The following PSG8 variants were observed in gnomAD, a reference collection of about 807,000 sequenced individuals.
PSG8 encodes the protein pregnancy specific beta-1-glycoprotein 8, also known as pregnancy-specific beta-1-glycoprotein 8.
PSG8 carries 57 observed loss-of-function variants against 42.5 expected under a neutral mutation model. The ratio of observed to expected loss-of-function variants is 1.34; its 90% CI spans 1.08 to 1.67. PSG8 has a LOEUF of 1.67. PSG8 is among the 40% of genes most tolerant of loss of function. PSG8 has a pLI of 0.00. For synonymous variants in PSG8, 280 were observed against 196.8 expected, an observed-to-expected ratio of 1.42 and a Z score of -3.54; for missense variants, 783 against 518.6, an observed-to-expected ratio of 1.51 and a Z score of -4.95.
At chr19:42,753,594 C>A (rs1484071657), downstream of PSG8, among the ~76,000 whole-genome samples, 1 of 152,152 alleles carries the variant, frequency 6.6e-6, no homozygotes, top group Non-Finnish European at 1.5e-5. Flanking sequence ...TAGCAATGGA[C>A]CGTGTAGGCT....
chr19:42,764,993 G>A (rs1175866264), intron 1 of PSG8, among the ~76,000 whole-genome samples: 1 of 152,006 alleles, frequency 6.6e-6, no homozygotes, highest in African/African-American at 2.4e-5. Flanking sequence ...ATTTCAAAAT[G>A]TGGTGGCCCC....
At chr19:42,765,290 T>C (rs1468446222) in intron 1 of PSG8, among the ~76,000 whole-genome samples, 1 of 151,908 alleles carries the variant, frequency 6.6e-6, no homozygotes, top group Non-Finnish European at 1.5e-5. Flanking sequence ...GTAGCTAGGA[T>C]TAGAGGAGCA....
intron 1 of PSG8, among the ~76,000 whole-genome samples, chr19:42,764,637 C>G (rs1882628766): frequency 1.3e-5 from 2 of 152,124 alleles, no homozygotes. Context: ...TCTTTCCTGA[C>G]ACCTCCTTCA....
At chr19:42,752,938 G>A (rs1969818417), downstream of PSG8, 2 of 327,662 alleles carry the variant, frequency 6.1e-6, no homozygotes, top group East Asian at 1.1e-4. Context: ...CCCCTGAGAT[G>A]TTATGTAAAA....
At chr19:42,762,341 C>A (rs1490305987) in intron 2 of PSG8, among the ~76,000 whole-genome samples, 1 of 151,952 alleles carries the variant, frequency 6.6e-6, no homozygotes. Flanking sequence ...CCAAAGAGCC[C>A]TGAGAACCCT....
intron 3 of PSG8, among the ~76,000 whole-genome samples, chr19:42,756,672 A>G (rs1302182121): frequency 6.6e-6 from 1 of 152,054 alleles, no homozygotes; most frequent in Non-Finnish European, 1.5e-5. Context: ...TTTTCGGTGA[A>G]TTCCATACTG....
In PSG8 at chr19:42,764,024, G is replaced by T; in HGVS notation, c.322C>A (p.Leu108Met). 6.2e-7 allele frequency: 1 copy of T among 1,613,760 alleles called. No homozygotes were observed. Among genetic ancestry groups the T allele is most frequent in the Non-Finnish European group, 8.5e-7 (1 of 1,179,872 alleles). ...TCTTCCTGGGTGACATTCTGGATCA[G>T]CAGGGATGCATTGGAATATATTGTT... The part of the protein sequence containing the change: ...RETIYSNASL[L>M]IQNVTQEDAG... The change falls in exon 2 of 5, where the codon CTG becomes ATG. Residue 108 changes from leucine to methionine, a missense_variant. Transcript: ENST00000306511.
chr19:42,756,481 C>T (rs1969930270), intron 3 of PSG8, among the ~76,000 whole-genome samples: 1 of 152,076 alleles, frequency 6.6e-6, no homozygotes, highest in South Asian at 2.1e-4. Flanking sequence ...TTTTTTGATT[C>T]TGAAATATTT....
At position 42,754,583 on chromosome 19, in the gene PSG8, A is replaced by G. The variant is rs748692125; in HGVS notation, c.993T>C (p.Gly331=). The G allele has an allele frequency of 4.3e-6, 7 of 1,611,938 alleles. 1 individual carries two copies. Among genetic ancestry groups the G allele is most frequent in the Admixed American group, 1.7e-5 (1 of 59,884 alleles). ...AAGGGTAAATTCTGGGGAGGTCTGG[A>G]CCATCTGGAGCAAAGAGAATAAAGC... is the stretch of plus-strand genomic sequence containing the variant. ...SYPVTLNVLY[G]PDLPRIYPSF... Residue 331 remains glycine (G), a synonymous_variant, in exon 5 of 5, where the codon GGT becomes GGC. Coordinates refer to ENST00000306511, the MANE Select transcript of PSG8 (RefSeq NM_182707.3).
In PSG8 at chr19:42,765,540, G is replaced by T. The variant is rs757952650; in HGVS notation, c.42C>A (p.Thr14=). ...LSAPPCTQRI[T]WKGLLLTASL... ...CACCTGTGAGCAGGAGCCCCTTCCAGGTGATGCGCTGTGTGCAGGGAGGGG... is the reference window on the plus strand; with the variant it reads ...CACCTGTGAGCAGGAGCCCCTTCCATGTGATGCGCTGTGTGCAGGGAGGGG... The change falls in exon 1 of 5, where the codon ACC becomes ACA. Residue 14 remains threonine, a synonymous_variant. Transcript: ENST00000306511. The T allele has an allele frequency of 3.1e-6, 5 of 1,611,404 alleles. No homozygotes were observed. The highest frequency in any genetic ancestry group is 4.2e-6 in the Non-Finnish European group (5 of 1,178,246).
intron 1 of PSG8, among the ~76,000 whole-genome samples, chr19:42,764,617 T>G (rs1283974529): frequency 2.0e-5 from 3 of 152,022 alleles, no homozygotes; most frequent in Non-Finnish European, 2.9e-5. Context: ...CATCAGGGCA[T>G]CCTTAGATTT....
At chr19:42,758,489 T>A in intron 2 of PSG8, 2 of 1,122,696 alleles carry the variant, frequency 1.8e-6, no homozygotes, top group Non-Finnish European at 2.5e-6. Context: ...ACACAGACTT[T>A]CTCAAGTGTG....
chr19:42,753,369 T>C (rs781668606), downstream of PSG8: 3 of 780,256 alleles, frequency 3.8e-6, no homozygotes, highest in African/African-American at 3.4e-5. Flanking sequence ...TTCAGGGTAA[T>C]GTCCAGTCTA....
At chr19:42,756,099 A>G (rs1005852144) in intron 3 of PSG8, 26 of 152,240 alleles carry the variant, frequency 1.7e-4, no homozygotes, top group African/African-American at 5.8e-4. Context: ...ACTGACTGGT[A>G]GAAAGGGTGG....
chr19:42,765,377 C>A, intron 1 of PSG8, 141 bp downstream of exon 1: 8 of 1,351,604 alleles, frequency 5.9e-6, no homozygotes, highest in East Asian at 2.4e-5. Flanking sequence ...TGATCTTGAA[C>A]TCCTGATCTC....
In PSG8 at chr19:42,763,929, G is replaced by A. The variant is rs750621396; in HGVS notation, c.417C>T (p.Thr139=). ...GGAATCACTCACGATATAAGGTGAA[G>A]GTGAAATGTCCAGTTACTCCTCTAT... ...DENRGVTGHF[T]FTLYLETPKP... Residue 139 remains threonine, a synonymous_variant, in exon 2 of 5, where the codon ACC becomes ACT. Transcript: ENST00000306511. 6.2e-7 allele frequency: 1 copy of A among 1,613,706 alleles called. No homozygotes were observed. Among genetic ancestry groups the A allele is most frequent in the East Asian group, 2.2e-5 (1 of 44,872 alleles).
rs1970195192 is a variant in PSG8, at chr19:42,765,506, T to G, written c.64+12A>C. On this transcript the variant is annotated intron_variant, in intron 1 of 4. Transcript: ENST00000306511. ...CCTCCTCCTGTCCTCTCCCAGGAGG[T>G]TCTCTCCTCACCTGTGAGCAGGAGC... The G allele has an allele frequency of 6.2e-7, 1 of 1,609,824 alleles. No individual in the cohort carries two copies. The highest frequency in any genetic ancestry group is 1.3e-5 in the African/African-American group (1 of 74,532).
Position 42,757,502 on chromosome 19 carries a change from C to T in PSG8, c.709+500G>A, listed in dbSNP as rs369678967. On this transcript the variant is annotated intron_variant, in intron 3 of 4. Transcript: ENST00000306511. ...CATCAATCAGCCAAGAATGCTCTGC[C>T]AGTGGGTGAGAGTCTGTGAGGCAGG... Among the ~76,000 whole-genome samples, 18 of 152,172 alleles carry T rather than the reference C, an allele frequency of 1.2e-4. No homozygotes were observed. The South Asian group carries it at 1.7e-3, about 14-fold the overall frequency.
intron 2 of PSG8, chr19:42,763,608 T>G: frequency 1.3e-5 from 6 of 477,072 alleles, no homozygotes; most frequent in South Asian, 1.2e-4. Context: ...CTCCAGGGTC[T>G]TTCTCAGGGT....
Sources: gnomAD v4.1 joint callset for allele counts (sites outside exome capture counted in the v4.1 genomes callset) on GRCh38, gnomAD v4.1.1 for gene constraint, MANE v1.5 for transcripts, NCBI Gene and HGNC (gene_info 2026-07-23, HGNC 2026-07-21) for gene names.